Variants in USP47 observed in about 807,000 individuals in gnomAD.
USP47 encodes the protein ubiquitin specific peptidase 47, also known as ubiquitin carboxyl-terminal hydrolase 47.
Under a neutral mutation model 165.1 loss-of-function variants are expected in USP47, and 35 were observed. The ratio of observed to expected loss-of-function variants is 0.21; its 90% confidence interval spans 0.16 to 0.28. The LOEUF is 0.28. Ranked by LOEUF, USP47 falls within the 10% of genes least tolerant of loss-of-function variation. USP47 has a pLI of 1.00. For missense variants in USP47, 1,277 were observed against 1,607.4 expected (o/e 0.79, Z 3.52); for synonymous variants, 531 against 544.5 (o/e 0.98, Z 0.35).
intron 21 of USP47, 120 bp from the exon 22 acceptor site, chr11:11,948,358 A>G (rs1415998542): frequency 1.3e-5 from 12 of 898,714 alleles, no homozygotes; most frequent in Non-Finnish European, 1.7e-5. Context: ...GAGGTAAAAG[A>G]TATGCCTGTT....
intron 11 of USP47, among the ~76,000 whole-genome samples, chr11:11,923,708 T>C (rs1314777155): frequency 6.6e-6 from 1 of 152,144 alleles, no homozygotes; most frequent in Non-Finnish European, 1.5e-5. Context: ...AAAAATAGAG[T>C]TTTACTTTCA....
At chr11:11,890,820 C>T (rs1851465969) in intron 3 of USP47, among the ~76,000 whole-genome samples, 1 of 152,174 alleles carries the variant, frequency 6.6e-6, no homozygotes, top group Non-Finnish European at 1.5e-5. Flanking sequence ...CCACAGAATA[C>T]TATGCATCCA....
rs75825382 is a variant in USP47, at chr11:11,872,073, G to A, written c.40-8104G>A. On this transcript the variant is annotated intron_variant, in intron 1 of 27. Transcript: ENST00000527733. ...CTTTTCTCGTAGATGTGCAGTTTGG[G>A]TAAGGTTAGGCTGAAACAGCTTGTT... 5.8e-3 allele frequency among the ~76,000 whole-genome samples: 880 copies of A among 152,294 alleles called. 7 individuals carry two copies. The highest frequency in any genetic ancestry group is 0.02 in the African/African-American group (844 of 41,560).
At chr11:11,891,169 A>G (rs1027488576) in intron 3 of USP47, among the ~76,000 whole-genome samples, 2 of 152,244 alleles carry the variant, frequency 1.3e-5, no homozygotes, top group African/African-American at 2.4e-5. Flanking sequence ...ATAATAATTT[A>G]AAAAATTAAA....
At chr11:11,914,096 A>C (rs1227800510) in intron 8 of USP47, among the ~76,000 whole-genome samples, 1 of 152,122 alleles carries the variant, frequency 6.6e-6, no homozygotes, top group Admixed American at 6.6e-5. Context: ...AAAAATAAAA[A>C]TAAAGTGGAA....
At chr11:11,953,605 TAAAC>T (rs1856362913) in intron 25 of USP47, among the ~76,000 whole-genome samples, 1 of 151,724 alleles carries the variant, frequency 6.6e-6, no homozygotes. Context: ...TAAAAGACAA[TAAAC>T]TAGGAGGAAA....
chr11:11,898,322 T>G (rs1331292505), intron 5 of USP47, among the ~76,000 whole-genome samples: 2 of 152,200 alleles, frequency 1.3e-5, no homozygotes, highest in Non-Finnish European at 2.9e-5. Flanking sequence ...ACATAATTTT[T>G]TAGTTTTTAA....
At chr11:11,930,275 C>T (rs1854568594) in intron 13 of USP47, among the ~76,000 whole-genome samples, 155 bp downstream of exon 13, 1 of 152,144 alleles carries the variant, frequency 6.6e-6, no homozygotes, top group South Asian at 2.1e-4. Flanking sequence ...AAAGTTTGAA[C>T]ACTGACATAG....
At chr11:11,949,619 T>C (rs951482103) in intron 22 of USP47, among the ~76,000 whole-genome samples, 3 of 152,102 alleles carry the variant, frequency 2.0e-5, no homozygotes, top group African/African-American at 7.2e-5. Flanking sequence ...AAAATACAAG[T>C]GTGTTATCCT....
chr11:11,848,372 ACAT>A (rs1048671183), intron 1 of USP47, among the ~76,000 whole-genome samples: 9 of 152,342 alleles, frequency 5.9e-5, no homozygotes, highest in Admixed American at 5.9e-4. Flanking sequence ...CAGTTGTAAT[ACAT>A]CATAAGTCTT....
chr11:11,897,873 G>T (rs1420682587), intron 5 of USP47, among the ~76,000 whole-genome samples, 180 bp downstream of exon 5: 1 of 152,088 alleles, frequency 6.6e-6, no homozygotes, highest in Non-Finnish European at 1.5e-5. Context: ...TGAAAAATGT[G>T]TGCGGAGAGA....
At chr11:11,927,456 T>C (rs1230686090) in intron 11 of USP47, among the ~76,000 whole-genome samples, 1 of 152,164 alleles carries the variant, frequency 6.6e-6, no homozygotes, top group Non-Finnish European at 1.5e-5. Flanking sequence ...GGTTTTGTAC[T>C]ATAATGACAG....
rs1855220672 is a variant in USP47 at position 11,938,305 on chromosome 11, C to T, written c.2126C>T (p.Ala709Val). 6.2e-7 allele frequency: 1 copy of T among 1,612,182 alleles called. No homozygotes were observed. The highest frequency in any genetic ancestry group is 1.3e-5 in the African/African-American group (1 of 74,792). Residue 709 changes from alanine (A) to valine (V), a missense_variant, in exon 18 of 28, where the codon GCT becomes GTT. Ala to Val is a moderately conservative substitution (Grantham distance 64). Transcript: ENST00000527733. Reference protein sequence around the residue: ...HVVDLKAESVAAPITVRAYLN... With the variant: ...HVVDLKAESVVAPITVRAYLN... ...GTTGATCTAAAGGCAGAATCTGTAGCTGCTCCTATAACTGTTCGTGCTTAC... is the reference window on the plus strand; with the variant it reads ...GTTGATCTAAAGGCAGAATCTGTAGTTGCTCCTATAACTGTTCGTGCTTAC...
In USP47 at chr11:11,890,524, T is replaced by C. The variant is rs114673554; in HGVS notation, c.358-1444T>C. Among the ~76,000 whole-genome samples the C allele has an allele frequency of 8.8e-3, 1,347 of 152,248 alleles. 17 individuals are homozygous for C. The highest frequency in any genetic ancestry group is 0.026 in the South Asian group (123 of 4,822). ...CCCACACCTGTCAGAATGGCAGTTA[T>C]TAAAAAGTCAAAAAACAAAAGATGC... On this transcript the variant is annotated intron_variant, in intron 3 of 27. Coordinates refer to ENST00000527733, the MANE Select transcript of USP47 (RefSeq NM_001282659.2).
intron 5 of USP47, among the ~76,000 whole-genome samples, chr11:11,898,460 T>C (rs1483400635): frequency 1.3e-5 from 2 of 152,166 alleles, no homozygotes; most frequent in Non-Finnish European, 2.9e-5. Context: ...CTGATTGTGT[T>C]ACTCAACATT....
chr11:11,949,752 C>G (rs546080845), intron 22 of USP47, 137 bp from the exon 23 acceptor site: 1 of 588,856 alleles, frequency 1.7e-6, no homozygotes, highest in East Asian at 3.0e-5. Flanking sequence ...GCTAAGGTTT[C>G]AAAAAAGGAA....
chr11:11,952,477 A>T (rs1856287193), intron 24 of USP47: 1 of 217,556 alleles, frequency 4.6e-6, no homozygotes, highest in South Asian at 1.2e-4. Context: ...GTAATTGGTA[A>T]TGCAGTGTTC....
chr11:11,940,282 A>G (rs1429762558), intron 18 of USP47, 147 bp from the exon 19 acceptor site: 5 of 739,124 alleles, frequency 6.8e-6, no homozygotes, highest in African/African-American at 1.8e-5. Context: ...CCCTTCAATT[A>G]TTCAAAAATT....
At chr11:11,851,561 T>C (rs1848729092) in intron 1 of USP47, among the ~76,000 whole-genome samples, 3 of 152,198 alleles carry the variant, frequency 2.0e-5, no homozygotes, top group Admixed American at 2.0e-4. Context: ...TCTTAACATC[T>C]TATATAACCA....
Sources: gnomAD v4.1 joint callset for allele counts (sites outside exome capture counted in the v4.1 genomes callset) on GRCh38, gnomAD v4.1.1 for gene constraint, MANE v1.5 for transcripts, NCBI Gene and HGNC (gene_info 2026-07-23, HGNC 2026-07-21) for gene names.